Variants in ZNF454 observed in about 807,000 individuals in gnomAD.
ZNF454 encodes zinc finger protein 454.
In ZNF454, 30 loss-of-function variants were observed where a neutral mutation model predicts 48.2. The ratio of observed to expected loss-of-function variants is 0.62; its 90% CI spans 0.47 to 0.84. The LOEUF (loss-of-function observed/expected upper bound fraction) is 0.84, where lower values mean the gene tolerates loss of function less well. ZNF454 is among the 40% of genes least tolerant of loss of function. The pLI, the probability that ZNF454 is intolerant of heterozygous loss-of-function variation, is 0.00. For synonymous variants in ZNF454, 204 were observed against 211.4 expected, an observed-to-expected ratio of 0.97 and a Z score of 0.30; for missense variants, 510 against 623.1, an observed-to-expected ratio of 0.82 and a Z score of 1.93.
At chr5:178,988,915 G>T in the ZNF454 span, 22 of 1,600,194 alleles carry the variant, frequency 1.4e-5, no homozygotes, top group Non-Finnish European at 1.9e-5. This position sits in a 1 kb window ranked among gnomAD's most constrained non-coding sequence, Gnocchi z 6.0. Context: ...ACTGCTGCAG[G>T]GGGGCAGGCA....
the ZNF454 span, among the ~76,000 whole-genome samples, chr5:178,985,017 G>C: frequency 6.6e-6 from 1 of 152,104 alleles, no homozygotes; most frequent in Non-Finnish European, 1.5e-5. Context: ...TAACTTTACT[G>C]TCTTAGGAAA....
the ZNF454 span, among the ~76,000 whole-genome samples, chr5:178,982,021 G>T: frequency 6.6e-6 from 1 of 152,200 alleles, no homozygotes; most frequent in Non-Finnish European, 1.5e-5. Flanking sequence ...CGCCTGAGGG[G>T]CTGGCAGCCT....
chr5:178,949,907 G>A (rs568027641), intron 4 of ZNF454, among the ~76,000 whole-genome samples: 18 of 150,172 alleles, frequency 1.2e-4, no homozygotes, highest in South Asian at 2.1e-4. Flanking sequence ...GAGCCACCAC[G>A]CCCGGCCTCT....
the ZNF454 span, among the ~76,000 whole-genome samples, chr5:178,984,840 G>T: frequency 1.4e-4 from 21 of 152,092 alleles, no homozygotes; most frequent in African/African-American, 4.6e-4. Flanking sequence ...CTCCAAACGG[G>T]TGAGCAGGTG....
At chr5:178,963,280 G>A (rs1368093280) in intron 4 of ZNF454, among the ~76,000 whole-genome samples, 1 of 151,638 alleles carries the variant, frequency 6.6e-6, no homozygotes, top group Non-Finnish European at 1.5e-5. Flanking sequence ...ACTCTATTTG[G>A]GCCAGAAGTG....
chr5:178,950,083 G>C (rs1759493286), intron 4 of ZNF454, among the ~76,000 whole-genome samples: 1 of 151,386 alleles, frequency 6.6e-6, no homozygotes, highest in Non-Finnish European at 1.5e-5. Flanking sequence ...ATGTTGCCCA[G>C]GCTGGTCTCA....
intron 4 of ZNF454, among the ~76,000 whole-genome samples, chr5:178,951,331 G>A (rs539770701): frequency 4.6e-5 from 7 of 152,294 alleles, no homozygotes; most frequent in African/African-American, 1.4e-4. Context: ...AAAGGCCCGT[G>A]CCTCACCATC....
intron 4 of ZNF454, among the ~76,000 whole-genome samples, chr5:178,948,596 C>T (rs886203867): frequency 6.6e-6 from 1 of 152,124 alleles, no homozygotes; most frequent in African/African-American, 2.4e-5. Flanking sequence ...CAGTTCAGTG[C>T]ATCTGGGCCC....
intron 4 of ZNF454, among the ~76,000 whole-genome samples, chr5:178,956,449 C>T (rs953343254): frequency 6.7e-6 from 1 of 149,130 alleles, no homozygotes. Context: ...CACAGTTCTC[C>T]GGCCCCAACA....
chr5:178,946,283 G>A lies in ZNF454; in HGVS notation c.34-76G>A. On this transcript the variant is annotated intron_variant, in intron 2 of 4. Coordinates refer to ENST00000519564, the MANE Select transcript of ZNF454 (RefSeq NM_001178089.3). This position sits in a 1 kb window ranked among gnomAD's most constrained non-coding sequence, Gnocchi z 4.5. ...CCTGTAAATGCGCACAAGCTCCTAG[G>A]GGCTGCCAGTCTCTTTTCCAGAGAA... 6.3e-7 allele frequency: 1 copy of A among 1,581,064 alleles called. No homozygotes were observed. The highest frequency in any genetic ancestry group is 8.6e-7 in the Non-Finnish European group (1 of 1,168,650).
chr5:178,950,620 G>C (rs1581864196), intron 4 of ZNF454, among the ~76,000 whole-genome samples: 1 of 152,188 alleles, frequency 6.6e-6, no homozygotes, highest in East Asian at 1.9e-4. Flanking sequence ...TAATTGAGGA[G>C]TTGCTAATAC....
chr5:178,987,167 C>T, the ZNF454 span: 7 of 717,206 alleles, frequency 9.8e-6, no homozygotes, highest in Non-Finnish European at 1.7e-5. Flanking sequence ...TAGCCAAGAA[C>T]CAGAAAATAA....
At chr5:178,981,680 C>G in the ZNF454 span, 2 of 1,613,956 alleles carry the variant, frequency 1.2e-6, no homozygotes, top group Non-Finnish European at 1.7e-6. The surrounding 1 kb of genome is among the most constrained non-coding windows in gnomAD (Gnocchi z 5.1). Flanking sequence ...TCTGCATCCT[C>G]GCCCTTGGGT....
chr5:178,943,419 T>C (rs574404575), intron 2 of ZNF454, among the ~76,000 whole-genome samples: 22 of 152,256 alleles, frequency 1.4e-4, no homozygotes, highest in Non-Finnish European at 8.8e-5. Flanking sequence ...ACCAAGAGGA[T>C]GGCACTAAGC....
chr5:178,981,938 A>G, the ZNF454 span: 1 of 905,252 alleles, frequency 1.1e-6, no homozygotes, highest in Non-Finnish European at 1.9e-6. This position sits in a 1 kb window ranked among gnomAD's most constrained non-coding sequence, Gnocchi z 5.1. Flanking sequence ...CATACTCTGG[A>G]GCTGAGTCTG....
the ZNF454 span, chr5:178,986,920 A>G: frequency 1.2e-6 from 2 of 1,614,126 alleles, no homozygotes; most frequent in Non-Finnish European, 1.7e-6. Context: ...CTGGTACTGG[A>G]AGATGTCGTA....
intron 4 of ZNF454, chr5:178,956,945 A>G (rs11750505): frequency 0.58 from 157,153 of 270,774 alleles, 45,615 homozygotes; most frequent in Admixed American, 0.62. Flanking sequence ...GTGCAGTGGT[A>G]CAATCTCGGC....
chr5:178,987,742 A>G, the ZNF454 span, among the ~76,000 whole-genome samples: 1 of 152,256 alleles, frequency 6.6e-6, no homozygotes, highest in East Asian at 1.9e-4. Context: ...TGATGGTTGC[A>G]TAACATTGTG....
chr5:178,953,235 G>A (rs1279341231), intron 4 of ZNF454, among the ~76,000 whole-genome samples: 2 of 151,944 alleles, frequency 1.3e-5, no homozygotes, highest in African/African-American at 2.4e-5. Flanking sequence ...CTGTCCTCTC[G>A]GTTGTAGTGT....
Sources: gnomAD v4.1 joint callset for allele counts (sites outside exome capture counted in the v4.1 genomes callset) on GRCh38, gnomAD v4.1.1 for gene constraint, Gnocchi (gnomAD v3.1) non-coding constraint, MANE v1.5 for transcripts, NCBI Gene and HGNC (gene_info 2026-07-23, HGNC 2026-07-21) for gene names.